The following DRC3 variants were observed in gnomAD, a reference collection of about 807,000 sequenced individuals.
The protein encoded by DRC3 is dynein regulatory complex subunit 3.
In DRC3, 45 loss-of-function variants were observed where a neutral mutation model predicts 57.6. The ratio of observed to expected loss-of-function variants is 0.78; its 90% CI spans 0.62 to 1.00. The LOEUF (loss-of-function observed/expected upper bound fraction) is 1.00. Among genes scored for constraint, DRC3 ranks in the 50% least tolerant of loss-of-function variants. The pLI is 0.00. For missense variants in DRC3, 655 were observed against 675.2 expected (o/e 0.97, Z 0.33); for synonymous variants, 257 against 272.3 (o/e 0.94, Z 0.55).
At chr17:18,007,187 C>A in intron 12 of DRC3, 40 bp downstream of exon 12, 1 of 28,522 alleles carries the variant, frequency 3.5e-5, no homozygotes, top group South Asian at 4.2e-4. Context: ...CAGATGTGGT[C>A]CAGCCCAGCT....
At position 18,016,166 on chromosome 17, in the gene DRC3, AACT is replaced by A; in HGVS notation, c.1430_1432del (p.Asn477_Ser478delinsThr). On this transcript the variant is annotated inframe_deletion, in exon 13 of 14. Coordinates refer to ENST00000399187, the MANE Select transcript of DRC3 (RefSeq NM_031294.4). ...AGAAGATGAGCTGGTGACCAGAATC[AACT>A]CTTGGTGTACACGTTTAATAGACAG... 2 of 1,614,042 alleles carry A rather than the reference AACT, an allele frequency of 1.2e-6. No homozygotes were observed. The highest frequency in any genetic ancestry group is 1.7e-6 in the Non-Finnish European group (2 of 1,179,896).
chr17:17,978,116 C>T (rs973654301), intron 3 of DRC3: 4 of 181,438 alleles, frequency 2.2e-5, no homozygotes, highest in Middle Eastern at 2.3e-3. Flanking sequence ...CTAGGAAGTC[C>T]CACGTAGCCA....
chr17:17,994,911 C>T, intron 7 of DRC3, 88 bp from the exon 8 acceptor site: 1 of 848,410 alleles, frequency 1.2e-6, no homozygotes, highest in South Asian at 1.4e-5. Context: ...AACATGCTCC[C>T]TCCTGACCTG....
Position 17,997,617 on chromosome 17 carries a change from G to T in DRC3, c.982G>T (p.Glu328Ter). 6.2e-7 allele frequency: 1 copy of T among 1,607,838 alleles called. No homozygotes were observed. Among genetic ancestry groups the T allele is most frequent in the Non-Finnish European group, 8.5e-7 (1 of 1,177,340 alleles). ...GGGCAAACGCAAGATTGCCAAATTC[G>T]AGGAGAAGCACTTGTCGGTAGGCCC... ...EQGKRKIAKFEEKHLSSLSAI... is the reference protein window; with the variant it reads ...EQGKRKIAKF Residue 328 changes from glutamate (E) to a stop codon, truncating the protein, a stop_gained, in exon 9 of 14, where the codon GAG becomes TAG. Coordinates refer to ENST00000399187, the MANE Select transcript of DRC3 (RefSeq NM_031294.4). LOFTEE classifies it high-confidence loss of function.
In DRC3 at chr17:18,016,816, G is replaced by A. The variant is rs1298087339; in HGVS notation, c.*145G>A. The A allele has an allele frequency of 6.3e-6, 3 of 479,068 alleles. No homozygotes were observed. Among genetic ancestry groups the A allele is most frequent in the South Asian group, 3.5e-5 (1 of 28,684 alleles). 29.7% of individuals were successfully genotyped at this position (479,068 alleles called of 1,614,324 possible). ...CCAACACCATTCTTCCCCCACCCCT[G>A]GAAAAACTTCCAAAAGTAGAGAAAA... On this transcript the variant is annotated 3_prime_UTR_variant, in exon 14 of 14. Coordinates refer to ENST00000399187, the MANE Select transcript of DRC3 (RefSeq NM_031294.4).
intron 3 of DRC3, 60 bp from the exon 4 acceptor site, chr17:17,983,768 G>A (rs1021362847): frequency 7.9e-7 from 1 of 1,266,886 alleles, no homozygotes; most frequent in East Asian, 2.3e-5. Context: ...CACTCCTCCT[G>A]TACACTAGCA....
intron 3 of DRC3, among the ~76,000 whole-genome samples, chr17:17,980,253 T>G (rs897124203): frequency 6.7e-6 from 1 of 148,654 alleles, no homozygotes; most frequent in Non-Finnish European, 1.5e-5. Context: ...GTTTTTTTTT[T>G]GTTTGTTTGT....
At chr17:17,996,713 T>C (rs1047259739) in intron 8 of DRC3, among the ~76,000 whole-genome samples, 1 of 152,140 alleles carries the variant, frequency 6.6e-6, no homozygotes, top group Non-Finnish European at 1.5e-5. Context: ...GCTCCAGAGC[T>C]GGGTTGTTTC....
At chr17:17,983,571 C>A (rs1314992976) in intron 3 of DRC3, among the ~76,000 whole-genome samples, 1 of 152,148 alleles carries the variant, frequency 6.6e-6, no homozygotes, top group Non-Finnish European at 1.5e-5. Flanking sequence ...CACTTCCACC[C>A]CAGCAACTTT....
chr17:18,016,764 T>C lies in DRC3; in HGVS notation c.*93T>C. 8 of 694,362 alleles carry C rather than the reference T, an allele frequency of 1.2e-5. No individual in the cohort carries two copies. The highest frequency in any genetic ancestry group is 1.9e-5 in the South Asian group (1 of 51,892). 43.0% of individuals were successfully genotyped at this position (694,362 alleles called of 1,614,324 possible). A position where few individuals can be genotyped will look rare whatever the true frequency, so the allele number is the denominator to read the frequency against. ...ACGCCTCACCCGCACCTCTAGAGAG[T>C]TGCTGGGCATCTCTCAACCGCGATC... On this transcript the variant is annotated 3_prime_UTR_variant, in exon 14 of 14. Transcript: ENST00000399187.
intron 3 of DRC3, among the ~76,000 whole-genome samples, chr17:17,980,207 C>G (rs1191448144): frequency 6.6e-6 from 1 of 152,148 alleles, no homozygotes; most frequent in African/African-American, 2.4e-5. Flanking sequence ...GGCTCTGCCC[C>G]TCTGAATGAA....
At chr17:17,995,461 TTTCTC>T in intron 8 of DRC3, 3 of 215,670 alleles carry the variant, frequency 1.4e-5, no homozygotes, top group South Asian at 7.0e-5. Context: ...CATTTATTGT[TTTCTC>T]AACCACCCCA....
intron 9 of DRC3, among the ~76,000 whole-genome samples, chr17:17,998,905 TAGC>T (rs1173248165): frequency 6.6e-6 from 1 of 152,240 alleles, no homozygotes; most frequent in Non-Finnish European, 1.5e-5. Flanking sequence ...CATTAGAAAC[TAGC>T]AGATTTCACA....
rs374926724 is a variant in DRC3, at chr17:17,997,570, C to G, written c.935C>G (p.Ala312Gly). ...LDTFSECVRE[A>G]IQENQEQGKR... ...ACCTTCAGTGAATGTGTCCGTGAGG[C>G]CATCCAGGAAAACCAGGAGCAGGGC... Residue 312 changes from alanine to glycine, a missense_variant, in exon 9 of 14, where the codon GCC (alanine) becomes GGC (glycine). Physicochemically the swap from Ala to Gly is moderately conservative, Grantham distance 60 (BLOSUM62 0). Coordinates refer to ENST00000399187, the MANE Select transcript of DRC3 (RefSeq NM_031294.4). The G allele has an allele frequency of 7.5e-6, 12 of 1,609,866 alleles. No individual in the cohort carries two copies. The African/African-American group carries it at 1.6e-4, about 22-fold the overall frequency.
intron 12 of DRC3, chr17:18,007,874 C>G: frequency 2.0e-6 from 2 of 1,004,972 alleles, no homozygotes; most frequent in Non-Finnish European, 2.4e-6. Flanking sequence ...ACCACCAAGG[C>G]AAGCCACCAT....
In DRC3 at chr17:17,977,689, G is replaced by A; in HGVS notation, c.91G>A (p.Ala31Thr). Residue 31 changes from alanine to threonine, a missense_variant, in exon 3 of 14, where the codon GCC (alanine) becomes ACC (threonine). By Grantham distance (58) the Ala-to-Thr change is moderately conservative. Coordinates refer to ENST00000399187, the MANE Select transcript of DRC3 (RefSeq NM_031294.4). ...CGGGGACCAGGGCCCCCAGGAGGAGGCCGGGCAGCTGGCCAAGCAGGAGGG... is the reference window on the plus strand; with the variant it reads ...CGGGGACCAGGGCCCCCAGGAGGAGACCGGGCAGCTGGCCAAGCAGGAGGG... ...AVGDQGPQEE[A>T]GQLAKQEGIL... is the part of the protein sequence containing the mutation. The A allele has an allele frequency of 6.2e-7, 1 of 1,613,894 alleles. No individual in the cohort carries two copies. The highest frequency in any genetic ancestry group is 8.5e-7 in the Non-Finnish European group (1 of 1,179,858).
At chr17:17,992,640 C>A (rs2043284615) in intron 5 of DRC3, 125 bp from the exon 6 acceptor site, 1 of 1,032,658 alleles carries the variant, frequency 9.7e-7, no homozygotes, top group South Asian at 1.6e-5. Context: ...GCCTGTCACC[C>A]CACCCCAGTG....
chr17:17,978,697 A>G (rs2042509081), intron 3 of DRC3, among the ~76,000 whole-genome samples: 1 of 152,302 alleles, frequency 6.6e-6, no homozygotes, highest in Middle Eastern at 3.4e-3. Flanking sequence ...CCCAGGGCTG[A>G]CCACCCAATC....
In DRC3 at chr17:17,992,814, G is replaced by A. The variant is rs764774203; in HGVS notation, c.494G>A (p.Arg165Lys). ...FKCLRTLSLS[R>K]NPISEAEDYK... ...TGCCTGCGGACGCTCAGCCTCTCTA[G>A]GAACCCTATCTCTGAGGCAGAGGAT... The change falls in exon 6 of 14, where the codon AGG becomes AAG. Residue 165 changes from arginine (R) to lysine (K), a missense_variant. By Grantham distance (26) the Arg-to-Lys change is conservative. Coordinates refer to ENST00000399187, the MANE Select transcript of DRC3 (RefSeq NM_031294.4). 11 of 1,613,714 alleles carry A rather than the reference G, an allele frequency of 6.8e-6. No homozygotes were observed. Among genetic ancestry groups the A allele is most frequent in the East Asian group, 2.2e-5 (1 of 44,890 alleles).
Sources: allele counts gnomAD v4.1 joint callset (sites outside exome capture counted in the v4.1 genomes callset), GRCh38; gene constraint gnomAD v4.1.1; transcripts MANE v1.5; gene names NCBI Gene and HGNC (gene_info 2026-07-23, HGNC 2026-07-21).